MELTF: variants seen among roughly 807,000 people sequenced by gnomAD.
MELTF encodes antigen p97 (melanoma associated) identified by monoclonal antibodies 133.2 and 96.5.
Under a neutral mutation model 83.7 loss-of-function variants are expected in MELTF, and 67 were observed. The observed-to-expected ratio is 0.80, with a 90% CI of 0.66 to 0.98. The LOEUF (loss-of-function observed/expected upper bound fraction) is 0.98, where lower values mean the gene tolerates loss of function less well. MELTF is among the 50% of genes least tolerant of loss of function. MELTF has a pLI of 0.00. For missense variants in MELTF, 1,002 were observed against 1,035.6 expected (o/e 0.97, Z 0.44); for synonymous variants, 462 against 447.6 (o/e 1.03, Z -0.41).
chr3:197,005,012 C>T (rs1009241628), intron 14 of MELTF, among the ~76,000 whole-genome samples: 1 of 151,994 alleles, frequency 6.6e-6, no homozygotes, highest in African/African-American at 2.4e-5. Flanking sequence ...AAGGAACATG[C>T]GTCAGTTCAC....
At position 197,017,833 on chromosome 3, in the gene MELTF, C is replaced by T. The variant is rs550974243; in HGVS notation, c.713-543G>A. ...CGGAGCTTGCAGTGAGCCGAGATCA[C>T]GCCACTGCACTCCAGCCTGGGCGAC... is the stretch of plus-strand genomic sequence containing the variant. On this transcript the variant is annotated intron_variant, in intron 6 of 15. Coordinates refer to ENST00000296350, the MANE Select transcript of MELTF (RefSeq NM_005929.6). 8.5e-5 allele frequency among the ~76,000 whole-genome samples: 13 copies of T among 152,200 alleles called. No homozygotes were observed. In the East Asian group the frequency reaches 1.2e-3, roughly 14 times the overall value.
chr3:197,027,935 C>T (rs556535644), intron 1 of MELTF, 25 bp from the exon 2 acceptor site: 13 of 1,539,592 alleles, frequency 8.4e-6, no homozygotes, highest in Middle Eastern at 2.2e-4. Flanking sequence ...CCGTGAGGCC[C>T]GGCTCCCCCG....
chr3:197,029,416 G>T lies in MELTF; in HGVS notation c.49+238C>A. On this transcript the variant is annotated intron_variant, in intron 1 of 15. Coordinates refer to ENST00000296350, the MANE Select transcript of MELTF (RefSeq NM_005929.6). This position sits in a 1 kb window ranked among gnomAD's most constrained non-coding sequence, Gnocchi z 6.5. ...GCCTCAGCCCGCGCTTCTCCTTGGA[G>T]CGTCGGAAGCCTCGGGTGTTCGAGG... The T allele has an allele frequency of 2.6e-6, 1 of 386,096 alleles. No individual in the cohort carries two copies. 23.9% of individuals were successfully genotyped at this position (386,096 alleles called of 1,614,324 possible).
chr3:197,029,543 A>T lies in MELTF; in HGVS notation c.49+111T>A. Reference sequence around the variant, plus strand: ...CCCGAGCCCCTGCCTCCCCCGTCTCACTGCCCCGGAGCCGCAGGCTCAGGC... The same window carrying T: ...CCCGAGCCCCTGCCTCCCCCGTCTCTCTGCCCCGGAGCCGCAGGCTCAGGC... On this transcript the variant is annotated intron_variant, in intron 1 of 15. Coordinates refer to ENST00000296350, the MANE Select transcript of MELTF (RefSeq NM_005929.6). The surrounding 1 kb of genome is among the most constrained non-coding windows in gnomAD (Gnocchi z 6.5). 2.2e-6 allele frequency: 2 copies of T among 901,376 alleles called. No homozygotes were observed. The highest frequency in any genetic ancestry group is 5.6e-5 in the South Asian group (1 of 17,970). 55.8% of individuals were successfully genotyped at this position (901,376 alleles called of 1,614,324 possible).
chr3:197,021,456 C>T lies in MELTF; in HGVS notation c.660G>A (p.Gly220=), dbSNP rs781243669. Residue 220 remains glycine (G), a synonymous_variant, in exon 6 of 16, where the codon GGG becomes GGA. Coordinates refer to ENST00000296350, the MANE Select transcript of MELTF (RefSeq NM_005929.6). Reference sequence around the variant, plus strand: ...GCTTCACAAAAGCCACGTCCCCTGCCCCTTCCGCCAGGCACCTGCGGAGGA... The same window carrying T: ...GCTTCACAAAAGCCACGTCCCCTGCTCCTTCCGCCAGGCACCTGCGGAGGA... ...YSGAFRCLAE[G]AGDVAFVKHS... is the part of the protein sequence containing the mutation. 1.1e-5 allele frequency: 17 copies of T among 1,613,948 alleles called. No homozygotes were observed. The African/African-American group carries it at 1.6e-4, about 15-fold the overall frequency.
chr3:197,021,705 C>T (rs1719630071), intron 5 of MELTF, among the ~76,000 whole-genome samples: 1 of 152,214 alleles, frequency 6.6e-6, no homozygotes, highest in Admixed American at 6.5e-5. Context: ...TCCCACAGGG[C>T]TGCTCTGAGG....
In MELTF at chr3:197,015,373, G is replaced by A. The variant is rs182173212; in HGVS notation, c.1225C>T (p.Arg409Trp). The A allele has an allele frequency of 2.6e-4, 406 of 1,563,156 alleles. 5 individuals are homozygous for A. In the East Asian group the frequency reaches 3.2e-3, roughly 12 times the overall value. ...ACCTGCGTGACTCCCACCTGGATCC[G>A]CTCCATGCAGTGTTGGGGGGACTTG... ...SAKSPQHCME[R>W]IQAEQVDAVT... is the part of the protein sequence containing the mutation. The change falls in exon 9 of 16, where the codon CGG becomes TGG. Residue 409 changes from arginine (R) to tryptophan (W), a missense_variant. By Grantham distance (101) the Arg-to-Trp change is moderately radical (BLOSUM62 -3). Coordinates refer to ENST00000296350, the MANE Select transcript of MELTF (RefSeq NM_005929.6).
In MELTF at chr3:197,008,876, C is replaced by A. The variant is rs201385075; in HGVS notation, c.1615G>T (p.Glu539Ter). The change falls in exon 12 of 16, where the codon GAG (glutamate) becomes TAG (stop). Residue 539 changes from glutamate to a stop codon, truncating the protein, a stop_gained. Coordinates refer to ENST00000296350, the MANE Select transcript of MELTF (RefSeq NM_005929.6). LOFTEE classifies it high-confidence loss of function. The surrounding 1 kb of genome is among the most constrained non-coding windows in gnomAD (Gnocchi z 5.4). ...SSLCALCVGD[E>*]QGRNKCVGNS... Reference sequence around the variant, plus strand: ...CCCACACACTTGTTGCGGCCCTGCTCGTCCCCCACGCACAGTGCACACAGC... The same window carrying A: ...CCCACACACTTGTTGCGGCCCTGCTAGTCCCCCACGCACAGTGCACACAGC... The A allele has an allele frequency of 6.2e-7, 1 of 1,614,188 alleles. No individual in the cohort carries two copies. The highest frequency in any genetic ancestry group is 1.1e-5 in the South Asian group (1 of 91,074).
At chr3:197,010,666 G>A (rs772586702) in intron 10 of MELTF, 32 bp downstream of exon 10, 40 of 1,575,698 alleles carry the variant, frequency 2.5e-5, no homozygotes, top group South Asian at 8.8e-5. Context: ...CCCACCTCCC[G>A]GCTGAGGCCA....
rs1420493132 is a variant in MELTF, at chr3:197,026,900, AC to A, written c.205-142del. 1.2e-5 allele frequency: 8 copies of A among 645,160 alleles called. No homozygotes were observed. The African/African-American group carries it at 1.4e-4, about 12-fold the overall frequency. 40.0% of individuals were successfully genotyped at this position (645,160 alleles called of 1,614,324 possible). A position where few individuals can be genotyped will look rare whatever the true frequency, so the allele number is the denominator to read the frequency against. On this transcript the variant is annotated intron_variant, in intron 2 of 15. Coordinates refer to ENST00000296350, the MANE Select transcript of MELTF (RefSeq NM_005929.6). ...CCTTCTCATCTGTCCCAGGAGCCCA[AC>A]CAGAGCCCAGGGCTCTCCCCCTTTC...
chr3:197,005,917 T>C (rs1480150149), intron 14 of MELTF, among the ~76,000 whole-genome samples: 1 of 112,476 alleles, frequency 8.9e-6, no homozygotes, highest in East Asian at 2.5e-4. Context: ...GGAGGAGTTT[T>C]GCTTCGAAAG....
intron 6 of MELTF, chr3:197,019,817 A>C (rs776180313): frequency 5.8e-6 from 9 of 1,563,884 alleles, no homozygotes; most frequent in Non-Finnish European, 2.6e-6. Flanking sequence ...TTAAAAGGCA[A>C]TGGTTAATAA....
In MELTF at chr3:197,009,859, G is replaced by A. The variant is rs780911578; in HGVS notation, c.1331-47C>T. ...TGAGGGGCCCCTCATCTGAGAGCCC[G>A]GGCAAGTGCCTGGGGGGGTCCTTCC... is the stretch of plus-strand genomic sequence containing the variant. On this transcript the variant is annotated intron_variant, in intron 10 of 15. Coordinates refer to ENST00000296350, the MANE Select transcript of MELTF (RefSeq NM_005929.6). 19 of 1,539,614 alleles carry A rather than the reference G, an allele frequency of 1.2e-5. No homozygotes were observed. The African/African-American group carries it at 1.6e-4, about 13-fold the overall frequency.
In MELTF at chr3:197,004,274, C is replaced by A. The variant is rs529030027; in HGVS notation, c.1939-175G>T. The A allele has an allele frequency of 8.8e-5, 59 of 673,354 alleles. No homozygotes were observed. In the African/African-American group the frequency reaches 9.1e-4, roughly 10 times the overall value. The allele number at this position is 673,354 out of a possible 1,614,324, so 41.7% of individuals were successfully genotyped here. A position where few individuals can be genotyped will look rare whatever the true frequency, so the allele number is the denominator to read the frequency against. On this transcript the variant is annotated intron_variant, in intron 14 of 15. Coordinates refer to ENST00000296350, the MANE Select transcript of MELTF (RefSeq NM_005929.6). ...TTGACAACTGATTGGCCTCTGTCACCCAAGCGGGTGTGGGGACACTAGGCC... is the reference window on the plus strand; with the variant it reads ...TTGACAACTGATTGGCCTCTGTCACACAAGCGGGTGTGGGGACACTAGGCC...
rs1719169186 is a variant in MELTF at position 197,011,009 on chromosome 3, AG to A, written c.1234-216del. 1.3e-5 allele frequency among the ~76,000 whole-genome samples: 2 copies of A among 152,128 alleles called. No individual in the cohort carries two copies. The highest frequency in any genetic ancestry group is 2.9e-5 in the Non-Finnish European group (2 of 68,008). ...GCCAGGAGTGGTGCCTGGAGGACCA[AG>A]GGGCAGAAACACCCACGCAGCACTC... On this transcript the variant is annotated intron_variant, in intron 9 of 15. Coordinates refer to ENST00000296350, the MANE Select transcript of MELTF (RefSeq NM_005929.6). The surrounding 1 kb of genome is among the most constrained non-coding windows in gnomAD (Gnocchi z 4.2).
At chr3:197,026,486 G>A in intron 3 of MELTF, 174 bp downstream of exon 3, 1 of 613,128 alleles carries the variant, frequency 1.6e-6, no homozygotes, top group African/African-American at 1.8e-5. Context: ...TGTGTCCCTG[G>A]AGCTCCTGTC....
At position 197,003,763 on chromosome 3, in the gene MELTF, C is replaced by G. The variant is rs529093598; in HGVS notation, c.2137+138G>C. 2 of 956,306 alleles carry G rather than the reference C, an allele frequency of 2.1e-6. No homozygotes were observed. Among genetic ancestry groups the G allele is most frequent in the South Asian group, 1.6e-5 (1 of 60,632 alleles). The allele number at this position is 956,306 out of a possible 1,614,324, so 59.2% of individuals were successfully genotyped here. ...CGCAGCCTCCTGGCCAAAATCCTCC[C>G]GGGACACCCCACCTGGACTGCTGCG... On this transcript the variant is annotated intron_variant, in intron 15 of 15. Transcript: ENST00000296350. This position sits in a 1 kb window ranked among gnomAD's most constrained non-coding sequence, Gnocchi z 6.2.
chr3:197,004,198 C>G, intron 14 of MELTF, 99 bp from the exon 15 acceptor site: 2 of 1,136,100 alleles, frequency 1.8e-6, no homozygotes, highest in East Asian at 4.7e-5. Context: ...TACAGTGACC[C>G]AAAGAGCAAG....
intron 11 of MELTF, 84 bp downstream of exon 11, chr3:197,009,534 G>T: frequency 7.2e-7 from 1 of 1,387,100 alleles, no homozygotes; most frequent in South Asian, 1.4e-5. Context: ...CTTCCAACAA[G>T]GTCCTCTCCC....
Sources: gnomAD v4.1 joint callset for allele counts (sites outside exome capture counted in the v4.1 genomes callset) on GRCh38, gnomAD v4.1.1 for gene constraint, Gnocchi (gnomAD v3.1) non-coding constraint, MANE v1.5 for transcripts, NCBI Gene and HGNC (gene_info 2026-07-23, HGNC 2026-07-21) for gene names.